The following DLK2 variants were observed in gnomAD, a reference collection of about 807,000 sequenced individuals.
DLK2 encodes delta like non-canonical Notch ligand 2, also known as protein delta homolog 2.
Under a neutral mutation model 31.3 loss-of-function variants are expected in DLK2, and 9 were observed. The ratio of observed to expected loss-of-function variants is 0.29; its 90% CI spans 0.17 to 0.50. The LOEUF (loss-of-function observed/expected upper bound fraction) is 0.50. DLK2 is among the 20% of genes least tolerant of loss of function. The probability of loss-of-function intolerance (pLI) is 0.98; values close to 1 mark genes in which losing one functional copy is unlikely to be tolerated. For synonymous variants in DLK2, 169 were observed against 201.2 expected (o/e 0.84, Z 1.35); for missense variants, 387 against 526.1 (o/e 0.74, Z 2.59).
chr6:43,450,899 T>G lies in DLK2; in HGVS notation c.792A>C (p.Leu264=). ...PDPPTTVDTP[L]GPTSAVVVPA... ...GTACCACTACAGCTGAGGTGGGCCC[T>G]AGAGGGGTGTCCACTGTGGTTGGGG... Residue 264 remains leucine, a synonymous_variant, in exon 6 of 6, where the codon CTA becomes CTC. Coordinates refer to ENST00000372488, the MANE Select transcript of DLK2 (RefSeq NM_023932.4). This position sits in a 1 kb window ranked among gnomAD's most constrained non-coding sequence, Gnocchi z 4.5. The G allele has an allele frequency of 6.2e-7, 1 of 1,614,154 alleles. No individual in the cohort carries two copies. Among genetic ancestry groups the G allele is most frequent in the South Asian group, 1.1e-5 (1 of 91,090 alleles).
chr6:43,454,507 G>T, intron 2 of DLK2, 33 bp from the exon 3 acceptor site: 1 of 1,569,966 alleles, frequency 6.4e-7, no homozygotes, highest in Non-Finnish European at 8.6e-7. Flanking sequence ...GGGTGAGTCT[G>T]AGTCAGGGCA....
At chr6:43,454,528 G>A in intron 2 of DLK2, 54 bp from the exon 3 acceptor site, 1 of 1,529,624 alleles carries the variant, frequency 6.5e-7, no homozygotes. Context: ...CAGCTCGCTG[G>A]GATGCGGGAC....
At position 43,451,355 on chromosome 6, in the gene DLK2, C is replaced by T. The variant is rs1783722002; in HGVS notation, c.417-81G>A. 2 of 1,505,300 alleles carry T rather than the reference C, an allele frequency of 1.3e-6. No individual in the cohort carries two copies. The highest frequency in any genetic ancestry group is 2.1e-5 in the Admixed American group (1 of 48,028). 93.2% of individuals were successfully genotyped at this position (1,505,300 alleles called of 1,614,324 possible). A position where few individuals can be genotyped will look rare whatever the true frequency, so the allele number is the denominator to read the frequency against. On this transcript the variant is annotated intron_variant, in intron 5 of 5. Transcript: ENST00000372488. The surrounding 1 kb of genome is among the most constrained non-coding windows in gnomAD (Gnocchi z 4.4). ...GCCCAGGTCAGTATCCTGACCACTG[C>T]CCGCCATGTCATCTTGGGCTACACA...
intron 4 of DLK2, 145 bp from the exon 5 acceptor site, chr6:43,452,229 G>T: frequency 8.3e-7 from 1 of 1,206,358 alleles, no homozygotes; most frequent in Admixed American, 2.6e-5. Context: ...GCTAGGGAGA[G>T]ACAACAACAC....
At chr6:43,454,904 G>A (rs1783914001) in intron 1 of DLK2, 24 bp from the exon 2 acceptor site, 1 of 1,522,162 alleles carries the variant, frequency 6.6e-7, no homozygotes. Context: ...CCGGTTGGGA[G>A]GCGGCCGGAC....
Position 43,450,932 on chromosome 6 carries a change from G to A in DLK2, c.759C>T (p.Val253=). The A allele has an allele frequency of 1.2e-6, 2 of 1,614,212 alleles. No homozygotes were observed. The highest frequency in any genetic ancestry group is 1.7e-6 in the Non-Finnish European group (2 of 1,180,032). ...TGTCCACTGTGGTTGGGGGGTCTGGGACAGGTAAGACAAGCTCACAGGTCT... is the reference window on the plus strand; with the variant it reads ...TGTCCACTGTGGTTGGGGGGTCTGGAACAGGTAAGACAAGCTCACAGGTCT... The part of the protein sequence containing the change: ...GGKTCELVLP[V]PDPPTTVDTP... Residue 253 remains valine (V), a synonymous_variant, in exon 6 of 6, where the codon GTC becomes GTT. Coordinates refer to ENST00000372488, the MANE Select transcript of DLK2 (RefSeq NM_023932.4). This position sits in a 1 kb window ranked among gnomAD's most constrained non-coding sequence, Gnocchi z 4.5.
At chr6:43,454,557 T>G in intron 2 of DLK2, 83 bp from the exon 3 acceptor site, 1 of 1,433,330 alleles carries the variant, frequency 7.0e-7, no homozygotes, top group South Asian at 1.3e-5. Flanking sequence ...GGATTGGGGT[T>G]CCAGTAACTG....
Position 43,452,077 on chromosome 6 carries a change from A to G in DLK2, c.279T>C (p.His93=), listed in dbSNP as rs1460667509. The G allele has an allele frequency of 1.9e-6, 3 of 1,614,176 alleles. No individual in the cohort carries two copies. Among genetic ancestry groups the G allele is most frequent in the Admixed American group, 1.7e-5 (1 of 60,024 alleles). Residue 93 remains histidine (H), a synonymous_variant, in exon 5 of 6, where the codon CAT becomes CAC. Transcript: ENST00000372488. ...WAGKFCDKDE[H]ICTTQSPCQN... is the part of the protein sequence containing the mutation. ...GGCAGGGGGACTGCGTGGTACAGAT[A>G]TGTTCATCTGGAGAGGGGACAGGAA...
rs1230100194 is a variant in DLK2 at position 43,453,847 on chromosome 6, A to C, written c.140+564T>G. 6.6e-6 allele frequency among the ~76,000 whole-genome samples: 1 copy of C among 151,034 alleles called. No homozygotes were observed. The highest frequency in any genetic ancestry group is 1.5e-5 in the Non-Finnish European group (1 of 67,322). On this transcript the variant is annotated intron_variant, in intron 3 of 5. Coordinates refer to ENST00000372488, the MANE Select transcript of DLK2 (RefSeq NM_023932.4). The surrounding 1 kb of genome is among the most constrained non-coding windows in gnomAD (Gnocchi z 4.1). ...TCATCAGGACTATCCTCCCACCATGATTCCAGGGCAAACACTTGACCCATA... is the reference window on the plus strand; with the variant it reads ...TCATCAGGACTATCCTCCCACCATGCTTCCAGGGCAAACACTTGACCCATA...
In DLK2 at chr6:43,454,834, C is replaced by T. The variant is rs1388911119; in HGVS notation, c.-9G>A. The T allele has an allele frequency of 2.6e-6, 4 of 1,544,322 alleles. No homozygotes were observed. In the South Asian group the frequency reaches 3.6e-5, roughly 14 times the overall value. On this transcript the variant is annotated 5_prime_UTR_variant, in exon 2 of 6. Coordinates refer to ENST00000372488, the MANE Select transcript of DLK2 (RefSeq NM_023932.4). ...CGGCAGCCGCTGGGCATGGTCAGCG[C>T]CGGCCCCAGGAGGGACGGACGGATG... is the stretch of plus-strand genomic sequence containing the variant.
In DLK2 at chr6:43,451,135, C is replaced by T. The variant is rs1168032564; in HGVS notation, c.556G>A (p.Gly186Ser). 5.0e-6 allele frequency: 8 copies of T among 1,614,184 alleles called. No individual in the cohort carries two copies. The highest frequency in any genetic ancestry group is 1.6e-4 in the Middle Eastern group (1 of 6,062). ...DDCLMRPCAN[G>S]ATCLDGINRF... ...TTTATGCCGTCAAGGCAGGTGGCAC[C>T]GTTAGCACAAGGCCGCATCAGGCAG... The change falls in exon 6 of 6, where the codon GGT (glycine) becomes AGT (serine). Residue 186 changes from glycine to serine, a missense_variant. Gly to Ser is a moderately conservative substitution (Grantham distance 56, BLOSUM62 0). Transcript: ENST00000372488. The surrounding 1 kb of genome is among the most constrained non-coding windows in gnomAD (Gnocchi z 4.4).
Position 43,451,355 on chromosome 6 carries a change from C to A in DLK2, c.417-81G>T. The A allele has an allele frequency of 6.6e-7, 1 of 1,505,300 alleles. No homozygotes were observed. 93.2% of individuals were successfully genotyped at this position (1,505,300 alleles called of 1,614,324 possible). ...GCCCAGGTCAGTATCCTGACCACTG[C>A]CCGCCATGTCATCTTGGGCTACACA... On this transcript the variant is annotated intron_variant, in intron 5 of 5. Coordinates refer to ENST00000372488, the MANE Select transcript of DLK2 (RefSeq NM_023932.4). This position sits in a 1 kb window ranked among gnomAD's most constrained non-coding sequence, Gnocchi z 4.4.
chr6:43,452,212 G>T (rs916153380), intron 4 of DLK2, 128 bp from the exon 5 acceptor site: 2 of 1,360,914 alleles, frequency 1.5e-6, no homozygotes, highest in Non-Finnish European at 2.0e-6. Flanking sequence ...CCAGGCTGGC[G>T]TGGTATGCTA....
Position 43,451,052 on chromosome 6 carries a change from C to T in DLK2, c.639G>A (p.Leu213=). The T allele has an allele frequency of 6.2e-7, 1 of 1,614,216 alleles. No homozygotes were observed. Among genetic ancestry groups the T allele is most frequent in the South Asian group, 1.1e-5 (1 of 91,088 alleles). The change falls in exon 6 of 6, where the codon CTG becomes CTA. Residue 213 remains leucine, a synonymous_variant. Transcript: ENST00000372488. The surrounding 1 kb of genome is among the most constrained non-coding windows in gnomAD (Gnocchi z 4.4). ...GGCATGGGCGGCTGGCACAGTCATC[C>T]AGGTTGATGGTGCAGAAGCGTCCAG... ...GFAGRFCTIN[L]DDCASRPCQR...
Position 43,453,626 on chromosome 6 carries a change from C to CTACAAAAAA in DLK2, c.141-500_141-492dup, listed in dbSNP as rs1045708090. On this transcript the variant is annotated intron_variant, in intron 3 of 5. Coordinates refer to ENST00000372488, the MANE Select transcript of DLK2 (RefSeq NM_023932.4). The surrounding 1 kb of genome is among the most constrained non-coding windows in gnomAD (Gnocchi z 4.1). Reference sequence around the variant, plus strand: ...TGGCCAACTGGGTGAAACCCCGTCTCTACAAAAAATACAAAAAATTACCCG... The same window carrying CTACAAAAAA: ...TGGCCAACTGGGTGAAACCCCGTCTCTACAAAAAATACAAAAAATACAAAAAATTACCCG... Among the ~76,000 whole-genome samples the CTACAAAAAA allele has an allele frequency of 6.6e-6, 1 of 152,078 alleles. No homozygotes were observed. The highest frequency in any genetic ancestry group is 2.4e-5 in the African/African-American group (1 of 41,404).
chr6:43,454,663 G>T (rs1581820308), intron 2 of DLK2, 87 bp downstream of exon 2: 1 of 1,477,568 alleles, frequency 6.8e-7, no homozygotes, highest in Non-Finnish European at 9.2e-7. Flanking sequence ...CGGAGCGACT[G>T]CAGTGCCGCC....
In DLK2 at chr6:43,451,309, C is replaced by A; in HGVS notation, c.417-35G>T. On this transcript the variant is annotated intron_variant, in intron 5 of 5. Coordinates refer to ENST00000372488, the MANE Select transcript of DLK2 (RefSeq NM_023932.4). The surrounding 1 kb of genome is among the most constrained non-coding windows in gnomAD (Gnocchi z 4.4). ...GGGTGAGAGAGGACATGATAACCAA[C>A]TTACCAACACCTGTAGGGCAGCCCA... The A allele has an allele frequency of 6.3e-7, 1 of 1,597,630 alleles. No individual in the cohort carries two copies.
chr6:43,456,182 T>G (rs1783976120), upstream of DLK2: 2 of 151,642 alleles, frequency 1.3e-5, no homozygotes. Context: ...TTTTTGTGAC[T>G]GCCTCTGAGA....
chr6:43,451,768 A>C lies in DLK2; in HGVS notation c.416+172T>G, dbSNP rs1014724495. Among the ~76,000 whole-genome samples the C allele has an allele frequency of 1.3e-5, 2 of 152,158 alleles. No homozygotes were observed. Among genetic ancestry groups the C allele is most frequent in the Non-Finnish European group, 2.9e-5 (2 of 68,018 alleles). ...AATGGCTCAGAAGGTACAAAAAAAA[A>C]AGTTGAGAAACCCTGAACTAGGAAC... On this transcript the variant is annotated intron_variant, in intron 5 of 5. Transcript: ENST00000372488. This position sits in a 1 kb window ranked among gnomAD's most constrained non-coding sequence, Gnocchi z 4.4.
Sources: gnomAD v4.1 joint callset for allele counts (sites outside exome capture counted in the v4.1 genomes callset) on GRCh38, gnomAD v4.1.1 for gene constraint, Gnocchi (gnomAD v3.1) non-coding constraint, MANE v1.5 for transcripts, NCBI Gene and HGNC (gene_info 2026-07-23, HGNC 2026-07-21) for gene names.